The following APBB2 variants were observed in gnomAD, a reference collection of about 807,000 sequenced individuals.
APBB2 encodes the protein Fe65-like 1.
A neutral mutation model predicts 82.5 loss-of-function variants in APBB2; 38 were observed. That is an observed-to-expected ratio of 0.46 (90% CI 0.36 to 0.60). The LOEUF is 0.60. Among genes scored for constraint, APBB2 ranks in the 20% least tolerant of loss-of-function variants. The pLI is 0.00. For missense variants in APBB2, 772 were observed against 972.3 expected (o/e 0.79, Z 2.74); for synonymous variants, 341 against 368.2 (o/e 0.93, Z 0.85).
intron 1 of APBB2, among the ~76,000 whole-genome samples, chr4:41,196,599 C>CTTTTTTTTTTTTTTTTTTTTTT: frequency 1.0e-5 from 1 of 100,352 alleles, no homozygotes; most frequent in Non-Finnish European, 1.9e-5. Context: ...AAGCCCCCTG[C>CTTTTTTTTTTTTTTTTTTTTTT]TTTTTTTTTT....
intron 6 of APBB2, among the ~76,000 whole-genome samples, chr4:40,979,071 A>G (rs1797870955): frequency 1.3e-5 from 2 of 152,148 alleles, no homozygotes. Flanking sequence ...TCATCTGCAC[A>G]ATGAGTTCGG....
At chr4:40,822,839 T>C (rs1436930284) in intron 16 of APBB2, among the ~76,000 whole-genome samples, 1 of 151,978 alleles carries the variant, frequency 6.6e-6, no homozygotes, top group African/African-American at 2.4e-5. Flanking sequence ...GAGGCTGTGG[T>C]GGTGATCTGG....
intron 1 of APBB2, among the ~76,000 whole-genome samples, chr4:41,145,068 C>A (rs1760336600): frequency 6.6e-6 from 1 of 152,198 alleles, no homozygotes; most frequent in South Asian, 2.1e-4. Flanking sequence ...TGCAGTGAGC[C>A]ATGTTCACGT....
At chr4:41,073,250 T>TA (rs1197893983) in intron 3 of APBB2, among the ~76,000 whole-genome samples, 3 of 152,038 alleles carry the variant, frequency 2.0e-5, no homozygotes, top group Non-Finnish European at 2.9e-5. Context: ...ATTTTCAGAG[T>TA]AAAAAAAACC....
chr4:40,931,269 T>TGACTCCGATAGGGGAC (rs1560312051), intron 10 of APBB2, among the ~76,000 whole-genome samples: 1 of 151,878 alleles, frequency 6.6e-6, no homozygotes, highest in Non-Finnish European at 1.5e-5. Flanking sequence ...CGATAGGGGA[T>TGACTCCGATAGGGGAC]GGAAGCTCCT....
intron 4 of APBB2, among the ~76,000 whole-genome samples, chr4:41,054,128 C>T (rs1391243909): frequency 1.3e-5 from 2 of 152,188 alleles, no homozygotes; most frequent in African/African-American, 2.4e-5. Flanking sequence ...CTTGGACTTT[C>T]CTTCATGCTT....
chr4:40,933,553 C>T (rs563262808), intron 10 of APBB2, among the ~76,000 whole-genome samples: 25 of 152,284 alleles, frequency 1.6e-4, no homozygotes, highest in African/African-American at 5.8e-4. Flanking sequence ...GTCACCACCA[C>T]GCTCCAATCC....
At chr4:41,091,578 T>G (rs1741723599) in intron 3 of APBB2, among the ~76,000 whole-genome samples, 1 of 152,126 alleles carries the variant, frequency 6.6e-6, no homozygotes, top group Non-Finnish European at 1.5e-5. Context: ...TTGAAGTTGG[T>G]GAGGGATTGA....
intron 1 of APBB2, among the ~76,000 whole-genome samples, chr4:41,199,535 A>G (rs1776166697): frequency 6.6e-6 from 1 of 152,216 alleles, no homozygotes; most frequent in Non-Finnish European, 1.5e-5. Flanking sequence ...ATTTTGACCA[A>G]TGAACAATAA....
rs373182223 is a variant in APBB2, at chr4:41,179,053, C to T, written c.-417+35352G>A. Among the ~76,000 whole-genome samples, 20 of 152,112 alleles carry T rather than the reference C, an allele frequency of 1.3e-4. No homozygotes were observed. In the East Asian group the frequency reaches 1.5e-3, roughly 12 times the overall value. ...TGAGGGTCCACCAGTGTGTTGTATA[C>T]GTGTCACGTCTATTGCACAGACATC... On this transcript the variant is annotated intron_variant, in intron 1 of 17. Transcript: ENST00000508593.
chr4:41,144,838 G>T (rs1463593320), intron 1 of APBB2, among the ~76,000 whole-genome samples: 3 of 152,212 alleles, frequency 2.0e-5, no homozygotes, highest in African/African-American at 2.4e-5. Context: ...AAAAGAACGG[G>T]CTGGGCATGG....
intron 10 of APBB2, among the ~76,000 whole-genome samples, chr4:40,902,903 G>C (rs2154357978): frequency 6.6e-6 from 1 of 152,362 alleles, no homozygotes; most frequent in East Asian, 1.9e-4. Flanking sequence ...CTACTTGGGA[G>C]GCTGACGCAG....
At chr4:41,044,635 T>C (rs1229998908) in intron 4 of APBB2, among the ~76,000 whole-genome samples, 5 of 152,242 alleles carry the variant, frequency 3.3e-5, no homozygotes. Flanking sequence ...TGGCTCACAT[T>C]TTGTTTCCTT....
rs57788003 is a variant in APBB2 at position 41,123,031 on chromosome 4, T to C, written c.-261+19956A>G. ...CCTGAGTCTTCATGTCACAAATTCC[T>C]ACTCACCTGATTCTTGTGGCCAAAA... On this transcript the variant is annotated intron_variant, in intron 2 of 17. Transcript: ENST00000508593. Among the ~76,000 whole-genome samples, 434 of 152,214 alleles carry C rather than the reference T, an allele frequency of 2.9e-3. 2 individuals are homozygous for C. Among genetic ancestry groups the C allele is most frequent in the African/African-American group, 9.4e-3 (391 of 41,540 alleles).
In APBB2 at chr4:40,964,322, TA is replaced by T. The variant is rs535122141; in HGVS notation, c.836-19250del. Among the ~76,000 whole-genome samples, 735 of 152,176 alleles carry T rather than the reference TA, an allele frequency of 4.8e-3. 6 individuals are homozygous for T. The highest frequency in any genetic ancestry group is 0.014 in the Middle Eastern group (4 of 294). On this transcript the variant is annotated intron_variant, in intron 6 of 17. Coordinates refer to ENST00000508593, the MANE Select transcript of APBB2 (RefSeq NM_004307.2). Reference sequence around the variant, plus strand: ...AAGCATTGAACTAGTAAGCTATCCCTAAAAAAACAGTCCATAACTGATTCAC... The same window carrying T: ...AAGCATTGAACTAGTAAGCTATCCCTAAAAAACAGTCCATAACTGATTCAC...
Position 41,128,217 on chromosome 4 carries a change from ATAC to A in APBB2, c.-261+14767_-261+14769del, listed in dbSNP as rs1166177656. On this transcript the variant is annotated intron_variant, in intron 2 of 17. Transcript: ENST00000508593. ...AAATGCAATTCAAAACCACAATGATATACTGTCTTATACCAGCCAGAATGGTTA... is the reference window on the plus strand; with the variant it reads ...AAATGCAATTCAAAACCACAATGATATGTCTTATACCAGCCAGAATGGTTA... Among the ~76,000 whole-genome samples the A allele has an allele frequency of 5.9e-5, 9 of 152,368 alleles. No homozygotes were observed. The East Asian group carries it at 1.7e-3, about 29-fold the overall frequency.
intron 1 of APBB2, among the ~76,000 whole-genome samples, chr4:41,174,742 T>G (rs1038581502): frequency 6.6e-6 from 1 of 152,200 alleles, no homozygotes; most frequent in African/African-American, 2.4e-5. Context: ...TCTGAAGAAC[T>G]ACGTGACCAC....
At chr4:41,020,881 G>C (rs62412126) in intron 5 of APBB2, among the ~76,000 whole-genome samples, 5,711 of 152,234 alleles carry the variant, frequency 0.038, 201 homozygotes, top group African/African-American at 0.097. Flanking sequence ...ACCTTCTTAG[G>C]GGAAGAGTGT....
chr4:40,923,037 C>G (rs1578457766), intron 10 of APBB2, among the ~76,000 whole-genome samples: 1 of 140,128 alleles, frequency 7.1e-6, no homozygotes, highest in African/African-American at 2.6e-5. Context: ...TGCAGTGGCA[C>G]AATCTTGGCT....
Sources: gnomAD v4.1 joint callset for allele counts (sites outside exome capture counted in the v4.1 genomes callset) on GRCh38, gnomAD v4.1.1 for gene constraint, MANE v1.5 for transcripts, NCBI Gene and HGNC (gene_info 2026-07-23, HGNC 2026-07-21) for gene names.